EYS: variants seen among roughly 807,000 people sequenced by gnomAD.
EYS encodes protein eyes shut homolog.
Under a neutral mutation model 282.1 loss-of-function variants are expected in EYS, and 250 were observed. The ratio of observed to expected loss-of-function variants is 0.89; its 90% CI spans 0.80 to 0.98. EYS has a LOEUF of 0.98. Ranked by LOEUF, EYS falls within the 50% of genes least tolerant of loss-of-function variation. EYS has a pLI of 0.00. For synonymous variants in EYS, 1,355 were observed against 1,282.9 expected, an observed-to-expected ratio of 1.06 and a Z score of -1.20; for missense variants, 4,016 against 3,709.0, an observed-to-expected ratio of 1.08 and a Z score of -2.15.
intron 22 of EYS, among the ~76,000 whole-genome samples, chr6:64,781,617 A>G (rs1289626833): frequency 6.6e-6 from 1 of 151,212 alleles, no homozygotes; most frequent in African/African-American, 2.4e-5. Flanking sequence ...TTATGAGGCC[A>G]TGACCACACA....
intron 12 of EYS, among the ~76,000 whole-genome samples, chr6:65,176,828 A>G (rs1765237629): frequency 6.6e-6 from 1 of 151,734 alleles, no homozygotes; most frequent in Non-Finnish European, 1.5e-5. Flanking sequence ...AATTATTTGC[A>G]TTAAGTTGCA....
intron 33 of EYS, among the ~76,000 whole-genome samples, chr6:64,031,482 TCGACCACCCAA>T (rs1769832631): frequency 6.6e-6 from 1 of 152,176 alleles, no homozygotes; most frequent in African/African-American, 2.4e-5. Context: ...CGCAGTCCCA[TCGACCACCCAA>T]GGGCTGAGGA....
intron 19 of EYS, among the ~76,000 whole-genome samples, chr6:64,844,147 G>A (rs4644027): frequency 6.6e-6 from 1 of 151,992 alleles, no homozygotes; most frequent in African/African-American, 2.4e-5. Context: ...CAAGTCGCTG[G>A]TATGTCTTTA....
At position 65,443,350 on chromosome 6, in the gene EYS, A is replaced by C. The variant is rs376365796; in HGVS notation, c.863-37983T>G. 4.7e-5 allele frequency among the ~76,000 whole-genome samples: 5 copies of C among 106,718 alleles called. 2 individuals carry two copies. The highest frequency in any genetic ancestry group is 2.3e-4 in the Admixed American group (2 of 8,828). The allele number at this position is 106,718 out of a possible 152,430, so 70.0% of individuals were successfully genotyped here. A position where few individuals can be genotyped will look rare whatever the true frequency, so the allele number is the denominator to read the frequency against. On this transcript the variant is annotated intron_variant, in intron 5 of 42. Coordinates refer to ENST00000503581, the MANE Select transcript of EYS (RefSeq NM_001142800.2). ...TGCATACATGTATGTACACATATAGACATATATGCATACATGTATGTACAC... is the reference window on the plus strand; with the variant it reads ...TGCATACATGTATGTACACATATAGCCATATATGCATACATGTATGTACAC...
At chr6:64,644,768 T>C (rs1768291321) in intron 22 of EYS, among the ~76,000 whole-genome samples, 1 of 152,180 alleles carries the variant, frequency 6.6e-6, no homozygotes. Flanking sequence ...AATAATGGTC[T>C]GGGTTCTCTT....
chr6:64,541,626 A>G (rs1281951703), intron 26 of EYS, among the ~76,000 whole-genome samples: 1 of 151,536 alleles, frequency 6.6e-6, no homozygotes, highest in African/African-American at 2.4e-5. Context: ...CTTCCCTTCC[A>G]TATTTGCTAT....
intron 29 of EYS, among the ~76,000 whole-genome samples, chr6:64,337,383 A>G (rs1187472876): frequency 6.6e-6 from 1 of 152,066 alleles, no homozygotes; most frequent in African/African-American, 2.4e-5. Context: ...AACCTAGAAG[A>G]GATGAATAAA....
At chr6:65,465,407 G>A (rs185726866) in intron 5 of EYS, among the ~76,000 whole-genome samples, 2 of 151,896 alleles carry the variant, frequency 1.3e-5, no homozygotes, top group African/African-American at 4.8e-5. Context: ...AATCCAGGAG[G>A]TCCAGGTGGC....
intron 30 of EYS, among the ~76,000 whole-genome samples, chr6:64,303,811 A>G (rs1769325526): frequency 2.3e-5 from 3 of 129,204 alleles, no homozygotes. Flanking sequence ...ACTGCACTCC[A>G]GCCTGGGCGA....
chr6:64,452,170 C>T (rs1471406771), intron 26 of EYS, among the ~76,000 whole-genome samples: 1 of 152,094 alleles, frequency 6.6e-6, no homozygotes, highest in Non-Finnish European at 1.5e-5. Flanking sequence ...TCTCAGGATA[C>T]AAAATCAATG....
At chr6:64,891,664 G>A (rs893955805) in intron 18 of EYS, among the ~76,000 whole-genome samples, 2 of 152,012 alleles carry the variant, frequency 1.3e-5, no homozygotes, top group African/African-American at 4.8e-5. Flanking sequence ...TAAGGCTAGA[G>A]AAAAATTAAA....
intron 29 of EYS, among the ~76,000 whole-genome samples, chr6:64,348,558 T>C: frequency 6.6e-6 from 1 of 151,602 alleles, no homozygotes; most frequent in Middle Eastern, 3.4e-3. Context: ...AGCCCACTAG[T>C]TGAAGATCTA....
intron 26 of EYS, among the ~76,000 whole-genome samples, chr6:64,490,531 C>T (rs1776705781): frequency 2.0e-5 from 3 of 150,876 alleles, no homozygotes; most frequent in South Asian, 2.1e-4. Context: ...TTAATGATGA[C>T]AGAAACCTCT....
rs1303904238 is a variant in EYS, at chr6:64,125,163, T to TCTCTCTCTCTCTCG, written c.6425-43175_6425-43162dup. ...CACACACACACTCTCTGTCTCTCTC[T>TCTCTCTCTCTCTCG]CTCTCTCTCTCTCGCTCTCTCTCTC... On this transcript the variant is annotated intron_variant, in intron 31 of 42. Transcript: ENST00000503581. Among the ~76,000 whole-genome samples the TCTCTCTCTCTCTCG allele has an allele frequency of 2.0e-5, 3 of 151,242 alleles. No homozygotes were observed. The East Asian group carries it at 5.8e-4, about 29-fold the overall frequency.
chr6:63,938,787 A>G (rs1765147582), intron 35 of EYS, among the ~76,000 whole-genome samples: 1 of 152,250 alleles, frequency 6.6e-6, no homozygotes, highest in South Asian at 2.1e-4. Flanking sequence ...AGATGCAGTG[A>G]GGAAAAGCCT....
chr6:64,214,125 A>T (rs1050064477), intron 31 of EYS, among the ~76,000 whole-genome samples: 2 of 152,056 alleles, frequency 1.3e-5, no homozygotes, highest in Non-Finnish European at 2.9e-5. Context: ...CTGAAATGCA[A>T]TATAAACTCC....
At chr6:65,687,507 C>T (rs563105770) in intron 1 of EYS, among the ~76,000 whole-genome samples, 1 of 152,166 alleles carries the variant, frequency 6.6e-6, no homozygotes, top group South Asian at 2.1e-4. Flanking sequence ...AGATTCTAAA[C>T]ATAAACAGAT....
intron 12 of EYS, among the ~76,000 whole-genome samples, chr6:65,102,499 G>T (rs1274462260): frequency 6.6e-6 from 1 of 150,742 alleles, no homozygotes; most frequent in Non-Finnish European, 1.5e-5. Context: ...CTTTTTTTAT[G>T]TAGCTATAAA....
intron 8 of EYS, among the ~76,000 whole-genome samples, chr6:65,357,034 A>T (rs540138227): frequency 2.8e-4 from 43 of 152,096 alleles, no homozygotes; most frequent in African/African-American, 9.9e-4. Flanking sequence ...ATTTAACTTA[A>T]TGGCCTTTGG....
Sources: allele counts gnomAD v4.1 joint callset (sites outside exome capture counted in the v4.1 genomes callset), GRCh38; gene constraint gnomAD v4.1.1; transcripts MANE v1.5; gene names NCBI Gene and HGNC (gene_info 2026-07-23, HGNC 2026-07-21).